Variants in EPHA8 observed in about 807,000 individuals in gnomAD.
EPHA8 encodes the protein ephrin type-A receptor 8.
Under a neutral mutation model 103.6 loss-of-function variants are expected in EPHA8, and 58 were observed. The observed-to-expected ratio is 0.56, with a 90% CI of 0.45 to 0.70. The LOEUF (loss-of-function observed/expected upper bound fraction) is 0.70. EPHA8 is among the 30% of genes least tolerant of loss of function. The probability of loss-of-function intolerance (pLI) is 0.00; values close to 1 mark genes in which losing one functional copy is unlikely to be tolerated. For synonymous variants in EPHA8, 559 were observed against 572.5 expected (o/e 0.98, Z 0.34); for missense variants, 1,304 against 1,395.2 (o/e 0.93, Z 1.04).
rs1456199970 is a variant in EPHA8 at position 22,599,889 on chromosome 1, GAGGA to G, written c.2389-760_2389-757del. On this transcript the variant is annotated intron_variant, in intron 13 of 16. Coordinates refer to ENST00000166244, the MANE Select transcript of EPHA8 (RefSeq NM_020526.5). ...GAAGGGAAGGAGGGAGGGAGTGGGGGAGGAAGGAAGGAAGGGAGGGAAGGAGAGA... is the reference window on the plus strand; with the variant it reads ...GAAGGGAAGGAGGGAGGGAGTGGGGGAGGAAGGAAGGGAGGGAAGGAGAGA... Among the ~76,000 whole-genome samples, 13 of 61,168 alleles carry G rather than the reference GAGGA, an allele frequency of 2.1e-4. 1 individual carries two copies. Among genetic ancestry groups the G allele is most frequent in the South Asian group, 1.1e-3 (1 of 938 alleles). 40.1% of individuals were successfully genotyped at this position (61,168 alleles called of 152,430 possible).
chr1:22,566,244 G>A (rs1422500609), intron 1 of EPHA8, among the ~76,000 whole-genome samples: 1 of 152,214 alleles, frequency 6.6e-6, no homozygotes, highest in Non-Finnish European at 1.5e-5. Context: ...CCACTTTGAG[G>A]TGATCTCCAA....
Position 22,593,430 on chromosome 1 carries a change from G to T in EPHA8, c.1420G>T (p.Glu474Ter), listed in dbSNP as rs1641428976. ...EQPNGIILEY[E>*]IKYYEKDKEM... ...GCCGAACGGCATCATCCTGGAGTATGAGATCAAGTACTACGAGAAGGTACC... is the reference window on the plus strand; with the variant it reads ...GCCGAACGGCATCATCCTGGAGTATTAGATCAAGTACTACGAGAAGGTACC... The change falls in exon 6 of 17, where the codon GAG (glutamate) becomes TAG (stop). Residue 474 changes from glutamate (E) to a stop codon, truncating the protein, a stop_gained. Coordinates refer to ENST00000166244, the MANE Select transcript of EPHA8 (RefSeq NM_020526.5). LOFTEE classifies it high-confidence loss of function. 6.2e-7 allele frequency: 1 copy of T among 1,609,686 alleles called. No homozygotes were observed. Among genetic ancestry groups the T allele is most frequent in the African/African-American group, 1.3e-5 (1 of 74,916 alleles).
chr1:22,578,313 T>C (rs1037900745), intron 3 of EPHA8, among the ~76,000 whole-genome samples: 1 of 150,486 alleles, frequency 6.6e-6, no homozygotes, highest in African/African-American at 2.5e-5. Flanking sequence ...CCTGTGTGCA[T>C]ATGTATGCAT....
chr1:22,578,180 G>C, intron 3 of EPHA8, among the ~76,000 whole-genome samples: 1 of 93,922 alleles, frequency 1.1e-5, no homozygotes, highest in East Asian at 3.7e-4. Flanking sequence ...GTGTGCATGT[G>C]TGTGCGTGCA....
intron 5 of EPHA8, among the ~76,000 whole-genome samples, chr1:22,590,765 G>A (rs1641350778): frequency 6.6e-6 from 1 of 151,982 alleles, no homozygotes; most frequent in African/African-American, 2.4e-5. Flanking sequence ...CCACCTTTGT[G>A]CTAACAACCC....
chr1:22,578,957 C>A (rs10917258), intron 3 of EPHA8, among the ~76,000 whole-genome samples: 43,036 of 135,964 alleles, frequency 0.32, 7,080 homozygotes, highest in African/African-American at 0.49. Flanking sequence ...GCATGTGTGT[C>A]CATGTGTATG....
At chr1:22,578,211 TGCGTGTGAGTGTGC>T (rs1462650990) in intron 3 of EPHA8, among the ~76,000 whole-genome samples, 1 of 137,542 alleles carries the variant, frequency 7.3e-6, no homozygotes, top group Non-Finnish European at 1.6e-5. Flanking sequence ...TGCGAGTGTG[TGCGTGTGAGTGTGC>T]ATGTGTGTAT....
At chr1:22,572,442 A>G (rs1271561563) in intron 2 of EPHA8, among the ~76,000 whole-genome samples, 1 of 152,218 alleles carries the variant, frequency 6.6e-6, no homozygotes, top group African/African-American at 2.4e-5. Flanking sequence ...TTCTACGAAG[A>G]CTGGGGGAGG....
chr1:22,597,915 G>A lies in EPHA8; in HGVS notation c.2116+54G>A. 1 of 1,575,416 alleles carries A rather than the reference G, an allele frequency of 6.3e-7. No homozygotes were observed. Among genetic ancestry groups the A allele is most frequent in the Non-Finnish European group, 8.6e-7 (1 of 1,158,446 alleles). ...CTGCAGTGCCCCTCCTGCCTGGAGA[G>A]GCCTCTGGGTCCATCCCCTCATCCA... On this transcript the variant is annotated intron_variant, in intron 11 of 16. Coordinates refer to ENST00000166244, the MANE Select transcript of EPHA8 (RefSeq NM_020526.5). The surrounding 1 kb of genome is among the most constrained non-coding windows in gnomAD (Gnocchi z 4.6).
Position 22,569,172 on chromosome 1 carries a change from C to A in EPHA8, c.95-117C>A, listed in dbSNP as rs1165607137. ...AGAAAGGGCATTCAGGCAGAGGGAC[C>A]CGTGTGAGCTGTGTGCTGGGGGCTG... On this transcript the variant is annotated intron_variant, in intron 1 of 16. Coordinates refer to ENST00000166244, the MANE Select transcript of EPHA8 (RefSeq NM_020526.5). This position sits in a 1 kb window ranked among gnomAD's most constrained non-coding sequence, Gnocchi z 4.5. 4 of 913,074 alleles carry A rather than the reference C, an allele frequency of 4.4e-6. No homozygotes were observed. In the East Asian group the frequency reaches 7.8e-5, roughly 18 times the overall value. 56.6% of individuals were successfully genotyped at this position (913,074 alleles called of 1,614,324 possible).
intron 3 of EPHA8, among the ~76,000 whole-genome samples, chr1:22,578,277 C>A (rs1048722532): frequency 2.3e-4 from 30 of 131,588 alleles, no homozygotes; most frequent in African/African-American, 9.0e-4. Context: ...TGCATGAGTG[C>A]ATGTGTACGT....
chr1:22,581,527 G>A (rs1350740546), intron 3 of EPHA8, among the ~76,000 whole-genome samples: 1 of 152,180 alleles, frequency 6.6e-6, no homozygotes, highest in Non-Finnish European at 1.5e-5. Flanking sequence ...AGAGGGAAGC[G>A]GAGCCCAGAG....
rs1341541622 is a variant in EPHA8, at chr1:22,579,313, GTATA to G, written c.823+2437_823+2440del. ...TGTGTGCATGCATGTGTACATGAGT[GTATA>G]TATGCATGTGTCCATGTGTGCATGA... On this transcript the variant is annotated intron_variant, in intron 3 of 16. Transcript: ENST00000166244. Among the ~76,000 whole-genome samples, 6 of 151,434 alleles carry G rather than the reference GTATA, an allele frequency of 4.0e-5. No individual in the cohort carries two copies. The South Asian group carries it at 1.3e-3, about 32-fold the overall frequency.
intron 1 of EPHA8, among the ~76,000 whole-genome samples, chr1:22,564,875 C>T (rs1422252623): frequency 1.3e-5 from 2 of 152,102 alleles, no homozygotes; most frequent in African/African-American, 2.4e-5. Context: ...CAGGTGTAAG[C>T]GAACTCCGGA....
chr1:22,593,153 C>T (rs919712775), intron 5 of EPHA8, among the ~76,000 whole-genome samples, 173 bp from the exon 6 acceptor site: 1 of 152,180 alleles, frequency 6.6e-6, no homozygotes, highest in Non-Finnish European at 1.5e-5. Context: ...CAAGTGGCCA[C>T]CAGCGATTTG....
Position 22,589,760 on chromosome 1 carries a change from C to T in EPHA8, c.1315+554C>T, listed in dbSNP as rs548009213. The T allele has an allele frequency of 2.1e-5, 19 of 886,996 alleles. No homozygotes were observed. In the African/African-American group the frequency reaches 3.4e-4, roughly 16 times the overall value. The allele number at this position is 886,996 out of a possible 1,614,324, so 54.9% of individuals were successfully genotyped here. A position where few individuals can be genotyped will look rare whatever the true frequency, so the allele number is the denominator to read the frequency against. On this transcript the variant is annotated intron_variant, in intron 5 of 16. Transcript: ENST00000166244. This position sits in a 1 kb window ranked among gnomAD's most constrained non-coding sequence, Gnocchi z 4.3. The stretch of plus-strand genomic sequence containing the variant: ...CTGAATTCACCCCCGGAACCTCTTT[C>T]TTCCCAAACTCTGGAGGACCCTGCC...
intron 13 of EPHA8, among the ~76,000 whole-genome samples, chr1:22,600,118 G>GGAGGGAAGGAGA (rs1641672235): frequency 1.6e-5 from 2 of 123,664 alleles, no homozygotes; most frequent in Admixed American, 1.6e-4. Flanking sequence ...GAGGAAGGAA[G>GGAGGGAAGGAGA]GAGGGAAGGA....
rs1341832129 is a variant in EPHA8 at position 22,577,774 on chromosome 1, GTGTGTGCA to G, written c.823+902_823+909del. On this transcript the variant is annotated intron_variant, in intron 3 of 16. Transcript: ENST00000166244. Reference sequence around the variant, plus strand: ...AGGCCCAGGTGGTGTGCATGAGTGTGTGTGTGCATGTGTGCGTGTGTGCGTAAGTGTAT... The same window carrying G: ...AGGCCCAGGTGGTGTGCATGAGTGTGTGTGTGCGTGTGTGCGTAAGTGTAT... 4.8e-3 allele frequency among the ~76,000 whole-genome samples: 726 copies of G among 150,674 alleles called. 4 individuals are homozygous for G. Among genetic ancestry groups the G allele is most frequent in the African/African-American group, 0.016 (669 of 40,988 alleles).
At chr1:22,595,799 T>C (rs1004083281) in intron 8 of EPHA8, among the ~76,000 whole-genome samples, 2 of 152,212 alleles carry the variant, frequency 1.3e-5, no homozygotes, top group African/African-American at 2.4e-5. Context: ...CATCTCCCAA[T>C]GCCCCCACCA....
Sources: gnomAD v4.1 joint callset for allele counts (sites outside exome capture counted in the v4.1 genomes callset) on GRCh38, gnomAD v4.1.1 for gene constraint, Gnocchi (gnomAD v3.1) non-coding constraint, MANE v1.5 for transcripts, NCBI Gene and HGNC (gene_info 2026-07-23, HGNC 2026-07-21) for gene names.